The following NPAS3 variants were observed in gnomAD, a reference collection of about 807,000 sequenced individuals.
The protein encoded by NPAS3 is neuronal PAS domain protein 3.
In NPAS3, 14 loss-of-function variants were observed where a neutral mutation model predicts 73.1. The ratio of observed to expected loss-of-function variants is 0.19; its 90% CI spans 0.13 to 0.30. The LOEUF is 0.30. Ranked by LOEUF, NPAS3 falls within the 10% of genes least tolerant of loss-of-function variation. NPAS3 has a pLI of 1.00. For synonymous variants in NPAS3, 620 were observed against 541.5 expected, an observed-to-expected ratio of 1.14 and a Z score of -2.01; for missense variants, 1,096 against 1,250.0, an observed-to-expected ratio of 0.88 and a Z score of 1.86.
chr14:33,685,454 T>C (rs567702118), intron 6 of NPAS3, among the ~76,000 whole-genome samples: 2 of 152,174 alleles, frequency 1.3e-5, no homozygotes, highest in Non-Finnish European at 2.9e-5. Context: ...AGGGTAGGTT[T>C]TTGTTCATTT....
intron 1 of NPAS3, among the ~76,000 whole-genome samples, chr14:33,020,766 CT>C (rs538841125): frequency 2.5e-4 from 37 of 146,188 alleles, no homozygotes; most frequent in Admixed American, 4.8e-4. Context: ...GTTTTTGTTT[CT>C]TTTTTTTTTT....
At chr14:33,193,031 G>A (rs1210758485) in intron 2 of NPAS3, among the ~76,000 whole-genome samples, 2 of 152,126 alleles carry the variant, frequency 1.3e-5, no homozygotes, top group Non-Finnish European at 2.9e-5. Flanking sequence ...TTCTGGATGG[G>A]TGAATCTCTA....
intron 5 of NPAS3, among the ~76,000 whole-genome samples, chr14:33,616,482 G>C (rs1235910848): frequency 5.9e-5 from 9 of 152,188 alleles, no homozygotes. Flanking sequence ...ATCCAGACCA[G>C]TGCCCGTCTC....
At chr14:33,599,764 C>T (rs540896345) in intron 5 of NPAS3, among the ~76,000 whole-genome samples, 11 of 152,110 alleles carry the variant, frequency 7.2e-5, no homozygotes, top group Non-Finnish European at 7.4e-5. Context: ...TTGGGAAGCT[C>T]GTTCAGGAGG....
chr14:33,336,496 A>G (rs1370022935), intron 3 of NPAS3, among the ~76,000 whole-genome samples: 1 of 152,170 alleles, frequency 6.6e-6, no homozygotes, highest in East Asian at 1.9e-4. Flanking sequence ...GAGGAAGTTC[A>G]CCACCTGGTT....
At chr14:33,030,161 G>A (rs1208662409) in intron 1 of NPAS3, among the ~76,000 whole-genome samples, 2 of 152,190 alleles carry the variant, frequency 1.3e-5, no homozygotes, top group Admixed American at 6.5e-5. Flanking sequence ...AAAGATGATT[G>A]AATTCAGTCT....
chr14:33,300,162 A>G (rs2042471444), intron 3 of NPAS3, among the ~76,000 whole-genome samples: 1 of 152,258 alleles, frequency 6.6e-6, no homozygotes, highest in Non-Finnish European at 1.5e-5. Context: ...TATCTAGGAT[A>G]GTATTCTGTA....
chr14:33,310,390 G>T (rs529048008), intron 3 of NPAS3, among the ~76,000 whole-genome samples: 1 of 152,252 alleles, frequency 6.6e-6, no homozygotes, highest in South Asian at 2.1e-4. Context: ...AAATTACTGG[G>T]GGATTTCCTG....
chr14:32,997,781 A>T (rs1028972461), intron 1 of NPAS3, among the ~76,000 whole-genome samples: 7 of 145,864 alleles, frequency 4.8e-5, no homozygotes, highest in Admixed American at 4.8e-4. Context: ...AAAAAAAAAG[A>T]TGTGACTTGC....
At chr14:33,150,860 C>T (rs17100249) in intron 2 of NPAS3, among the ~76,000 whole-genome samples, 25,551 of 152,184 alleles carry the variant, frequency 0.17, 2,378 homozygotes, top group East Asian at 0.21. Flanking sequence ...TTCCTGACAG[C>T]TGTTTCTTCC....
At chr14:33,044,936 G>A (rs747899416) in intron 1 of NPAS3, among the ~76,000 whole-genome samples, 1 of 152,138 alleles carries the variant, frequency 6.6e-6, no homozygotes, top group African/African-American at 2.4e-5. Flanking sequence ...CTGTTCCACA[G>A]GTTCCTTCAG....
At chr14:33,711,959 A>C (rs1218625953) in intron 6 of NPAS3, among the ~76,000 whole-genome samples, 6 of 152,094 alleles carry the variant, frequency 3.9e-5, no homozygotes, top group African/African-American at 1.4e-4. Context: ...AGACTCAGCT[A>C]AAGGAAGTGC....
At chr14:33,659,377 G>A (rs1372582842) in intron 5 of NPAS3, among the ~76,000 whole-genome samples, 1 of 152,160 alleles carries the variant, frequency 6.6e-6, no homozygotes, top group African/African-American at 2.4e-5. Flanking sequence ...CCTTCTATTA[G>A]GAACATGTAA....
At chr14:33,802,376 TAAAAAAAAA>T (rs71293230), downstream of NPAS3, 1 of 95,730 alleles carries the variant, frequency 1.0e-5, no homozygotes, top group Non-Finnish European at 2.0e-5. Flanking sequence ...GCACATTAAG[TAAAAAAAAA>T]AAAAAAGAAA....
At chr14:33,214,416 C>T (rs546055738) in intron 2 of NPAS3, 7 of 152,108 alleles carry the variant, frequency 4.6e-5, no homozygotes, top group Admixed American at 6.6e-5. Flanking sequence ...TTTTAATAAC[C>T]CATACAGCGC....
chr14:33,181,409 C>A (rs1301153128), intron 2 of NPAS3, among the ~76,000 whole-genome samples: 1 of 152,044 alleles, frequency 6.6e-6, no homozygotes, highest in African/African-American at 2.4e-5. Flanking sequence ...GAAGAACAGG[C>A]ATAAAACTGG....
intron 3 of NPAS3, among the ~76,000 whole-genome samples, chr14:33,225,514 C>T (rs576970093): frequency 9.8e-5 from 15 of 152,310 alleles, no homozygotes; most frequent in African/African-American, 1.2e-4. Context: ...TGTTGTTGGC[C>T]ATAAGGTCTC....
At chr14:33,066,374 C>T (rs969167003) in intron 2 of NPAS3, among the ~76,000 whole-genome samples, 20 of 152,172 alleles carry the variant, frequency 1.3e-4, no homozygotes, top group African/African-American at 4.8e-4. Context: ...TGTTTACCCT[C>T]TGTTCTGAAT....
chr14:33,103,815 T>A (rs2042644686), intron 2 of NPAS3, among the ~76,000 whole-genome samples: 1 of 152,120 alleles, frequency 6.6e-6, no homozygotes, highest in Non-Finnish European at 1.5e-5. Flanking sequence ...ATATGAATGA[T>A]AAGATTTAGG....
Sources: gnomAD v4.1 joint callset for allele counts (sites outside exome capture counted in the v4.1 genomes callset) on GRCh38, gnomAD v4.1.1 for gene constraint, MANE v1.5 for transcripts, NCBI Gene and HGNC (gene_info 2026-07-23, HGNC 2026-07-21) for gene names.